EEIG2: variants seen among roughly 807,000 people sequenced by gnomAD.
EEIG2 encodes the protein EEIG family member 2, also known as family with sequence similarity 102 member B.
At chr1:108,576,828 G>A in the EEIG2 span, among the ~76,000 whole-genome samples, 1 of 151,920 alleles carries the variant, frequency 6.6e-6, no homozygotes, top group African/African-American at 2.4e-5. Context: ...GGGATGGCTG[G>A]GTCAAATGGT....
chr1:108,604,588 T>G, the EEIG2 span, among the ~76,000 whole-genome samples: 1 of 152,146 alleles, frequency 6.6e-6, no homozygotes, highest in Non-Finnish European at 1.5e-5. Flanking sequence ...ACCAGGCAAT[T>G]GTGGTGCCAT....
chr1:108,624,067 GA>G, the EEIG2 span, among the ~76,000 whole-genome samples: 1 of 152,128 alleles, frequency 6.6e-6, no homozygotes, highest in Admixed American at 6.6e-5. Context: ...ATTAACCAAT[GA>G]AAATAGATCC....
At chr1:108,614,295 C>G in the EEIG2 span, among the ~76,000 whole-genome samples, 2 of 151,586 alleles carry the variant, frequency 1.3e-5, no homozygotes, top group Non-Finnish European at 2.9e-5. Context: ...TGTTAACTCA[C>G]TTATTAAATA....
At chr1:108,584,805 G>A in the EEIG2 span, among the ~76,000 whole-genome samples, 1 of 152,240 alleles carries the variant, frequency 6.6e-6, no homozygotes, top group Non-Finnish European at 1.5e-5. Context: ...CTTACAGGAA[G>A]TGTACCTGAA....
chr1:108,603,052 C>G, the EEIG2 span, among the ~76,000 whole-genome samples: 1 of 151,890 alleles, frequency 6.6e-6, no homozygotes, highest in Admixed American at 6.6e-5. Context: ...TGTTGCAGAC[C>G]ACTGCTCCCT....
the EEIG2 span, chr1:108,600,497 G>A: frequency 3.2e-6 from 5 of 1,549,696 alleles, no homozygotes; most frequent in Admixed American, 3.5e-5. Context: ...TTGAGTGAAA[G>A]TATGGGTGTG....
At chr1:108,624,877 ATTC>A in the EEIG2 span, 1 of 696,360 alleles carries the variant, frequency 1.4e-6, no homozygotes, top group African/African-American at 1.8e-5. Flanking sequence ...TAATTATGTA[ATTC>A]TTGGTTGATC....
the EEIG2 span, among the ~76,000 whole-genome samples, chr1:108,618,460 C>G: frequency 6.6e-6 from 1 of 152,176 alleles, no homozygotes; most frequent in African/African-American, 2.4e-5. Context: ...TGCCTGTCAG[C>G]AGCCTTGAGG....
the EEIG2 span, among the ~76,000 whole-genome samples, chr1:108,565,289 C>T: frequency 1.2e-4 from 19 of 152,180 alleles, no homozygotes; most frequent in African/African-American, 4.3e-4. Flanking sequence ...ATAGAGTGTA[C>T]TTACACAAAC....
chr1:108,607,559 C>T, the EEIG2 span, among the ~76,000 whole-genome samples: 9 of 152,156 alleles, frequency 5.9e-5, no homozygotes, highest in Non-Finnish European at 4.4e-5. Context: ...CGTGGTGGCT[C>T]ATGCCTGTAA....
chr1:108,584,264 A>G, the EEIG2 span, among the ~76,000 whole-genome samples: 1 of 152,206 alleles, frequency 6.6e-6, no homozygotes, highest in South Asian at 2.1e-4. Flanking sequence ...ATTAGTGTAA[A>G]TGAAAATAGG....
At chr1:108,580,647 G>A in the EEIG2 span, among the ~76,000 whole-genome samples, 1 of 151,748 alleles carries the variant, frequency 6.6e-6, no homozygotes, top group Admixed American at 6.6e-5. Flanking sequence ...TGGTTGGACA[G>A]AAGGTCACAC....
At chr1:108,594,594 A>G in the EEIG2 span, among the ~76,000 whole-genome samples, 2 of 152,214 alleles carry the variant, frequency 1.3e-5, no homozygotes, top group African/African-American at 4.8e-5. Flanking sequence ...AGGATTTAGT[A>G]GTTAATATGT....
At chr1:108,616,357 G>A in the EEIG2 span, 220 of 1,500,332 alleles carry the variant, frequency 1.5e-4, no homozygotes, top group Non-Finnish European at 1.9e-4. Context: ...TTTTATAATC[G>A]TGATATTTCT....
chr1:108,612,096 A>G, the EEIG2 span: 272 of 909,806 alleles, frequency 3.0e-4, 1 homozygote, highest in East Asian at 7.0e-3. Context: ...TGTCTAGGGT[A>G]TGGGTTGAAT....
chr1:108,616,311 T>C, the EEIG2 span: 1 of 938,404 alleles, frequency 1.1e-6, no homozygotes, highest in East Asian at 2.5e-5. Flanking sequence ...ATAGAAAATA[T>C]CGGACTAAGT....
chr1:108,595,378 AGGAG>A, the EEIG2 span, among the ~76,000 whole-genome samples: 3 of 133,668 alleles, frequency 2.2e-5, no homozygotes, highest in Admixed American at 7.5e-5. Flanking sequence ...GAGAGAGGGA[AGGAG>A]GGAGGGAAGG....
the EEIG2 span, among the ~76,000 whole-genome samples, chr1:108,633,181 C>T: frequency 6.6e-6 from 1 of 152,188 alleles, no homozygotes; most frequent in African/African-American, 2.4e-5. Flanking sequence ...TTGATTGATA[C>T]TGTTGACCTC....
the EEIG2 span, among the ~76,000 whole-genome samples, chr1:108,617,514 G>A: frequency 6.6e-6 from 1 of 152,224 alleles, no homozygotes; most frequent in Non-Finnish European, 1.5e-5. Flanking sequence ...GGCATGTCAA[G>A]TAGGCAATTG....
Sources: gnomAD v4.1 joint callset for allele counts (sites outside exome capture counted in the v4.1 genomes callset) on GRCh38, gnomAD v4.1.1 for gene constraint, MANE v1.5 for transcripts, NCBI Gene and HGNC (gene_info 2026-07-23, HGNC 2026-07-21) for gene names.